Variants in IMMP2L observed in about 807,000 individuals in gnomAD.
IMMP2L encodes the protein inner mitochondrial membrane peptidase subunit 2, also known as mitochondrial inner membrane protease subunit 2.
Under a neutral mutation model 19.3 loss-of-function variants are expected in IMMP2L, and 18 were observed. The observed-to-expected ratio is 0.93, with a 90% confidence interval of 0.64 to 1.38. IMMP2L has a LOEUF of 1.38. Among genes scored for constraint, IMMP2L ranks in the 40% most tolerant of loss-of-function variants. The probability of loss-of-function intolerance (pLI) is 0.00; values close to 1 mark genes in which losing one functional copy is unlikely to be tolerated. For missense variants in IMMP2L, 233 were observed against 218.2 expected, an observed-to-expected ratio of 1.07 and a Z score of -0.43; for synonymous variants, 76 against 73.0, an observed-to-expected ratio of 1.04 and a Z score of -0.21.
chr7:111,540,484 A>T lies in IMMP2L; in HGVS notation c.-2-19035T>A, dbSNP rs148959071. On this transcript the variant is annotated intron_variant, in intron 1 of 5. Coordinates refer to ENST00000405709, the MANE Select transcript of IMMP2L (RefSeq NM_032549.4). ...ACAGCTGAACACATAAAATTATTCA[A>T]AAGCTCTAACGAGGTGAGAAGCAAC... Among the ~76,000 whole-genome samples, 407 of 152,278 alleles carry T rather than the reference A, an allele frequency of 2.7e-3. 6 individuals are homozygous for T. Among genetic ancestry groups the T allele is most frequent in the African/African-American group, 9.2e-3 (384 of 41,558 alleles).
In IMMP2L at chr7:110,963,528, C is replaced by A. The variant is rs757931767; in HGVS notation, c.277G>T (p.Val93Leu). Residue 93 changes from valine (V) to leucine (L), a missense_variant, in exon 4 of 6, where the codon GTG becomes TTG. Coordinates refer to ENST00000405709, the MANE Select transcript of IMMP2L (RefSeq NM_032549.4). ...ACAATATCTCCTTCAAGAGCAATCA[C>A]TCTCTTAATGATCTTCTGTTCTGGG... The part of the protein sequence containing the change: ...KNPEQKIIKR[V>L]IALEGDIVRT... The A allele has an allele frequency of 3.7e-6, 6 of 1,603,808 alleles. No individual in the cohort carries two copies. The highest frequency in any genetic ancestry group is 5.1e-6 in the Non-Finnish European group (6 of 1,172,850).
At chr7:110,733,439 CAA>C (rs1160142495) in intron 5 of IMMP2L, among the ~76,000 whole-genome samples, 5 of 149,084 alleles carry the variant, frequency 3.4e-5, no homozygotes, top group African/African-American at 1.2e-4. Flanking sequence ...ACTTCACTGA[CAA>C]GAGAGCCAAG....
At chr7:111,351,471 G>A (rs980596034) in intron 3 of IMMP2L, among the ~76,000 whole-genome samples, 1 of 152,138 alleles carries the variant, frequency 6.6e-6, no homozygotes, top group Non-Finnish European at 1.5e-5. Flanking sequence ...TTACAGGTGT[G>A]AGCCACCGCA....
chr7:111,369,640 A>G (rs1009796118), intron 3 of IMMP2L, among the ~76,000 whole-genome samples: 8 of 152,000 alleles, frequency 5.3e-5, no homozygotes, highest in African/African-American at 1.9e-4. Context: ...AGCCATTTTC[A>G]AAAGCCAATC....
At chr7:111,434,361 A>G (rs181714226) in intron 3 of IMMP2L, among the ~76,000 whole-genome samples, 2 of 151,664 alleles carry the variant, frequency 1.3e-5, no homozygotes, top group East Asian at 3.9e-4. Flanking sequence ...ACAAAAATAG[A>G]CAAATGAGGA....
chr7:111,097,121 G>C (rs1202814835), intron 3 of IMMP2L: 2 of 151,824 alleles, frequency 1.3e-5, no homozygotes, highest in Non-Finnish European at 2.9e-5. Context: ...AAGGCCCACT[G>C]AATCAGTTAA....
At chr7:111,072,495 T>C (rs1328877649) in intron 3 of IMMP2L, among the ~76,000 whole-genome samples, 4 of 151,034 alleles carry the variant, frequency 2.6e-5, no homozygotes, top group Non-Finnish European at 5.9e-5. Flanking sequence ...CCTCAATCCA[T>C]GCATGAGGAA....
At chr7:111,439,258 C>G (rs1434418176) in intron 3 of IMMP2L, among the ~76,000 whole-genome samples, 2 of 151,804 alleles carry the variant, frequency 1.3e-5, no homozygotes, top group African/African-American at 2.4e-5. Context: ...CCCTTCCAAT[C>G]TCTACTCCAC....
intron 1 of IMMP2L, among the ~76,000 whole-genome samples, chr7:111,548,574 G>A (rs900737114): frequency 6.6e-6 from 1 of 152,094 alleles, no homozygotes; most frequent in Admixed American, 6.6e-5. Context: ...GGTACTAACA[G>A]GAGATGACAA....
At chr7:111,016,404 A>T in intron 3 of IMMP2L, among the ~76,000 whole-genome samples, 1 of 140,654 alleles carries the variant, frequency 7.1e-6, no homozygotes, top group South Asian at 2.1e-4. Flanking sequence ...ATATATTTAT[A>T]TTTTATATAA....
At chr7:111,140,121 C>A (rs1289514135) in intron 3 of IMMP2L, among the ~76,000 whole-genome samples, 1 of 151,806 alleles carries the variant, frequency 6.6e-6, no homozygotes, top group Non-Finnish European at 1.5e-5. Flanking sequence ...AACTAAAAGG[C>A]AAGGGAAGAA....
intron 5 of IMMP2L, among the ~76,000 whole-genome samples, chr7:110,809,683 T>A (rs541714982): frequency 6.6e-6 from 1 of 152,032 alleles, no homozygotes; most frequent in African/African-American, 2.4e-5. Context: ...TAGAAAATAG[T>A]GTTAAAATGA....
At chr7:111,435,704 G>A (rs17158572) in intron 3 of IMMP2L, among the ~76,000 whole-genome samples, 3,579 of 151,826 alleles carry the variant, frequency 0.024, 215 homozygotes, top group African/African-American at 0.082. Context: ...TTGGACAAGC[G>A]ATTTTAATAT....
chr7:110,768,763 C>G (rs905938733), intron 5 of IMMP2L, among the ~76,000 whole-genome samples: 4 of 152,118 alleles, frequency 2.6e-5, no homozygotes, highest in African/African-American at 9.7e-5. Flanking sequence ...AGTATCATAG[C>G]CCTTATAGCG....
intron 3 of IMMP2L, among the ~76,000 whole-genome samples, chr7:111,177,194 T>A (rs922476411): frequency 4.6e-5 from 7 of 152,118 alleles, no homozygotes; most frequent in African/African-American, 1.7e-4. Context: ...TGTTTTTATT[T>A]TTGAAGACTG....
At position 110,915,242 on chromosome 7, in the gene IMMP2L, C is replaced by T. The variant is rs181951936; in HGVS notation, c.306-28547G>A. On this transcript the variant is annotated intron_variant, in intron 4 of 5. Transcript: ENST00000405709. ...ACAAAATGTGATGCACTCATGTGCA[C>T]GCGCGTGCGTGCACGCACACACACA... Among the ~76,000 whole-genome samples, 732 of 142,246 alleles carry T rather than the reference C, an allele frequency of 5.1e-3. 8 individuals are homozygous for T. Among genetic ancestry groups the T allele is most frequent in the African/African-American group, 0.022 (695 of 32,128 alleles). 93.3% of individuals were successfully genotyped at this position (142,246 alleles called of 152,430 possible). A position where few individuals can be genotyped will look rare whatever the true frequency, so the allele number is the denominator to read the frequency against.
In IMMP2L at chr7:111,379,750, C is replaced by T. The variant is rs751845051; in HGVS notation, c.239+107488G>A. 3.4e-4 allele frequency among the ~76,000 whole-genome samples: 52 copies of T among 151,924 alleles called. 1 individual carries two copies. The highest frequency in any genetic ancestry group is 6.6e-4 in the Non-Finnish European group (45 of 67,836). ...AACAAAATTGTCTAACATGTAACTG[C>T]CTACTATTTGCTCATCAAGTAAATA... On this transcript the variant is annotated intron_variant, in intron 3 of 5. Coordinates refer to ENST00000405709, the MANE Select transcript of IMMP2L (RefSeq NM_032549.4).
intron 4 of IMMP2L, among the ~76,000 whole-genome samples, chr7:110,945,760 ACTC>A (rs1036893753): frequency 6.6e-6 from 1 of 150,680 alleles, no homozygotes; most frequent in Non-Finnish European, 1.5e-5. Context: ...GTGGAAATGA[ACTC>A]CTAAAGAAAC....
chr7:111,401,848 T>G (rs931125464), intron 3 of IMMP2L, among the ~76,000 whole-genome samples: 5 of 152,092 alleles, frequency 3.3e-5, no homozygotes, highest in African/African-American at 9.7e-5. Flanking sequence ...TATTTAGCAC[T>G]GCCAACATTC....
Sources: allele counts gnomAD v4.1 joint callset (sites outside exome capture counted in the v4.1 genomes callset), GRCh38; gene constraint gnomAD v4.1.1; transcripts MANE v1.5; gene names NCBI Gene and HGNC (gene_info 2026-07-23, HGNC 2026-07-21).